Variants in KCNIP4 observed in about 807,000 individuals in gnomAD.
The protein encoded by KCNIP4 is potassium voltage-gated channel interacting protein 4, also known as Kv channel-interacting protein 4.
KCNIP4 carries 12 observed loss-of-function variants against 34.0 expected under a neutral mutation model. The ratio of observed to expected loss-of-function variants is 0.35; its 90% confidence interval spans 0.23 to 0.57. KCNIP4 has a LOEUF of 0.57. Ranked by LOEUF, KCNIP4 falls within the 20% of genes least tolerant of loss-of-function variation. The pLI is 0.83. For synonymous variants in KCNIP4, 124 were observed against 102.2 expected (o/e 1.21, Z -1.29); for missense variants, 238 against 311.7 (o/e 0.76, Z 1.78).
chr4:21,634,102 T>G (rs954821179), intron 1 of KCNIP4, among the ~76,000 whole-genome samples: 2 of 151,392 alleles, frequency 1.3e-5, no homozygotes, highest in Non-Finnish European at 2.9e-5. Flanking sequence ...ATCTCAGAGG[T>G]CCACACCTCA....
chr4:20,773,512 C>G (rs538876900), intron 3 of KCNIP4, among the ~76,000 whole-genome samples: 1 of 152,274 alleles, frequency 6.6e-6, no homozygotes, highest in African/African-American at 2.4e-5. Context: ...AGAACGCTTC[C>G]GAGGGCTCTC....
chr4:21,938,327 G>T (rs1373739168), intron 1 of KCNIP4, among the ~76,000 whole-genome samples: 3 of 152,004 alleles, frequency 2.0e-5, no homozygotes, highest in African/African-American at 7.2e-5. Context: ...TAGATTCAGG[G>T]CTTCTTTTCC....
intron 1 of KCNIP4, among the ~76,000 whole-genome samples, chr4:21,280,203 T>A (rs1762693570): frequency 6.6e-6 from 1 of 152,174 alleles, no homozygotes; most frequent in African/African-American, 2.4e-5. Flanking sequence ...AAAGAAGGAT[T>A]TTGCTAAACA....
chr4:21,093,938 C>G (rs763699820), intron 1 of KCNIP4, among the ~76,000 whole-genome samples: 1 of 151,938 alleles, frequency 6.6e-6, no homozygotes, highest in East Asian at 1.9e-4. Context: ...AAAAATTAGC[C>G]AGGCGTGGTG....
intron 1 of KCNIP4, among the ~76,000 whole-genome samples, chr4:21,085,574 C>T (rs946216957): frequency 2.0e-5 from 3 of 152,126 alleles, no homozygotes; most frequent in African/African-American, 7.2e-5. Context: ...ACCCTGGTGA[C>T]ACCAAGCCAA....
chr4:21,473,197 G>C (rs1730612155), intron 1 of KCNIP4, among the ~76,000 whole-genome samples: 1 of 152,176 alleles, frequency 6.6e-6, no homozygotes, highest in Non-Finnish European at 1.5e-5. Flanking sequence ...TTTTGCTGCT[G>C]TAAGACATTA....
chr4:21,291,618 G>C (rs1763467817), intron 1 of KCNIP4, among the ~76,000 whole-genome samples: 1 of 151,888 alleles, frequency 6.6e-6, no homozygotes, highest in Admixed American at 6.6e-5. Context: ...GGGAGGCCGA[G>C]GCGGGTGGAT....
chr4:21,681,640 G>C (rs1173362729), intron 1 of KCNIP4, among the ~76,000 whole-genome samples: 2 of 152,142 alleles, frequency 1.3e-5, no homozygotes, highest in Non-Finnish European at 2.9e-5. Context: ...AAGAGAGTTA[G>C]AGCCTGTATT....
intron 1 of KCNIP4, among the ~76,000 whole-genome samples, chr4:21,033,930 C>T (rs1043331333): frequency 3.9e-5 from 6 of 152,160 alleles, no homozygotes; most frequent in Admixed American, 1.3e-4. Flanking sequence ...CGCATATGGT[C>T]TCTCTGGCAA....
intron 1 of KCNIP4, among the ~76,000 whole-genome samples, chr4:21,827,833 A>G (rs1722760638): frequency 6.6e-6 from 1 of 151,988 alleles, no homozygotes; most frequent in South Asian, 2.1e-4. Flanking sequence ...CAAGCCAAGA[A>G]TTTCATTTAA....
chr4:21,038,229 C>A (rs1577577477), intron 1 of KCNIP4, among the ~76,000 whole-genome samples: 1 of 151,856 alleles, frequency 6.6e-6, no homozygotes, highest in East Asian at 1.9e-4. Context: ...CCCGCCTCAG[C>A]CTCCTAAAGT....
At chr4:21,913,855 G>A (rs1290799320) in intron 1 of KCNIP4, among the ~76,000 whole-genome samples, 1 of 152,160 alleles carries the variant, frequency 6.6e-6, no homozygotes, top group East Asian at 1.9e-4. Flanking sequence ...CCTGGGGAGG[G>A]AATGAAGACT....
chr4:20,999,427 GTTTGTTTTTTGTTTTTT>G (rs1737881190), intron 1 of KCNIP4, among the ~76,000 whole-genome samples: 3 of 27,728 alleles, frequency 1.1e-4, no homozygotes, highest in South Asian at 8.4e-4. Context: ...TTTTTTTTTT[GTTTGTTTTTTGTTTTTT>G]TTTTTTTTTT....
At chr4:21,764,008 G>C (rs1718230565) in intron 1 of KCNIP4, among the ~76,000 whole-genome samples, 1 of 152,026 alleles carries the variant, frequency 6.6e-6, no homozygotes, top group Admixed American at 6.6e-5. Context: ...TAGATCATTT[G>C]GTCTAAATGT....
chr4:21,257,679 G>A (rs1228763868), intron 1 of KCNIP4, among the ~76,000 whole-genome samples: 1 of 151,864 alleles, frequency 6.6e-6, no homozygotes, highest in African/African-American at 2.4e-5. Flanking sequence ...GAACCCAGGA[G>A]GCGGAGGTTG....
chr4:21,779,629 C>A (rs1227206084), intron 1 of KCNIP4, among the ~76,000 whole-genome samples: 1 of 152,074 alleles, frequency 6.6e-6, no homozygotes, highest in Non-Finnish European at 1.5e-5. Context: ...ATGGAACCAG[C>A]ACGATAGTTC....
In KCNIP4 at chr4:21,588,130, C is replaced by A. The variant is rs182926452; in HGVS notation, c.61+360441G>T. ...AAATATTTAAAGACATATGTCATAT[C>A]TTGGCTAAGAGTTATTTCCTCATTA... On this transcript the variant is annotated intron_variant, in intron 1 of 8. Coordinates refer to ENST00000382152, the MANE Select transcript of KCNIP4 (RefSeq NM_025221.6). 2.8e-4 allele frequency among the ~76,000 whole-genome samples: 43 copies of A among 152,012 alleles called. No homozygotes were observed. The East Asian group carries it at 8.1e-3, about 29-fold the overall frequency.
rs1748450153 is a variant in KCNIP4 at position 20,732,156 on chromosome 4, A to G, written c.643-88T>C. ...CAAATGAGCTGAAGCTGATAAAAAG[A>G]AAACCTAGCTGCTTATTTATTTCAC... On this transcript the variant is annotated intron_variant, in intron 7 of 8. Transcript: ENST00000382152. 6 of 861,842 alleles carry G rather than the reference A, an allele frequency of 7.0e-6. No homozygotes were observed. In the South Asian group the frequency reaches 9.3e-5, roughly 13 times the overall value. The allele number at this position is 861,842 out of a possible 1,614,324, so 53.4% of individuals were successfully genotyped here. A position where few individuals can be genotyped will look rare whatever the true frequency, so the allele number is the denominator to read the frequency against.
chr4:21,099,238 A>G (rs1166387359), intron 1 of KCNIP4, among the ~76,000 whole-genome samples: 1 of 152,224 alleles, frequency 6.6e-6, no homozygotes, highest in African/African-American at 2.4e-5. Flanking sequence ...TCAATGATAG[A>G]CTGAATAAAG....
Sources: gnomAD v4.1 joint callset for allele counts (sites outside exome capture counted in the v4.1 genomes callset) on GRCh38, gnomAD v4.1.1 for gene constraint, MANE v1.5 for transcripts, NCBI Gene and HGNC (gene_info 2026-07-23, HGNC 2026-07-21) for gene names.